KCNU1: variants seen among roughly 807,000 people sequenced by gnomAD.
The protein encoded by KCNU1 is potassium channel subfamily U member 1.
Under a neutral mutation model 126.8 loss-of-function variants are expected in KCNU1, and 93 were observed. The observed-to-expected ratio is 0.73, with a 90% CI of 0.62 to 0.87. KCNU1 has a LOEUF of 0.87. Among genes scored for constraint, KCNU1 ranks in the 40% least tolerant of loss-of-function variants. The pLI, the probability that KCNU1 is intolerant of heterozygous loss-of-function variation, is 0.00. For synonymous variants in KCNU1, 523 were observed against 494.2 expected, an observed-to-expected ratio of 1.06 and a Z score of -0.77; for missense variants, 1,330 against 1,367.1, an observed-to-expected ratio of 0.97 and a Z score of 0.43.
chr8:36,885,626 C>CTT (rs1448939510), intron 19 of KCNU1, among the ~76,000 whole-genome samples: 1 of 151,870 alleles, frequency 6.6e-6, no homozygotes, highest in Admixed American at 6.6e-5. Context: ...AACCACATCT[C>CTT]TACTAAAAAT....
At chr8:36,801,095 T>C (rs1427392566) in intron 2 of KCNU1, among the ~76,000 whole-genome samples, 2 of 152,218 alleles carry the variant, frequency 1.3e-5, no homozygotes, top group East Asian at 3.8e-4. Context: ...GGTGCCTTGA[T>C]GTCAACAAGG....
At chr8:36,899,761 G>A (rs1807343454) in intron 19 of KCNU1, among the ~76,000 whole-genome samples, 1 of 152,212 alleles carries the variant, frequency 6.6e-6, no homozygotes, top group East Asian at 1.9e-4. Context: ...ACACAGAGGT[G>A]TAGAAAGTTT....
intron 18 of KCNU1, among the ~76,000 whole-genome samples, chr8:36,852,971 T>C (rs1745159693): frequency 1.3e-5 from 2 of 152,214 alleles, no homozygotes; most frequent in African/African-American, 4.8e-5. Context: ...TTGGGTTAAC[T>C]TGCCTTCCTT....
chr8:36,916,739 C>G (rs754023730), intron 22 of KCNU1, among the ~76,000 whole-genome samples: 1 of 152,006 alleles, frequency 6.6e-6, no homozygotes, highest in Non-Finnish European at 1.5e-5. Context: ...ATTTCCTCAC[C>G]AAAAACTGAA....
intron 18 of KCNU1, among the ~76,000 whole-genome samples, chr8:36,861,127 A>G (rs543993613): frequency 6.6e-6 from 1 of 152,308 alleles, no homozygotes; most frequent in East Asian, 1.9e-4. Flanking sequence ...TAGGAGAAAG[A>G]ATAGGAGATG....
chr8:36,841,025 T>G (rs886632539), intron 16 of KCNU1, 22 bp downstream of exon 16: 1 of 1,186,384 alleles, frequency 8.4e-7, no homozygotes, highest in South Asian at 1.4e-5. Flanking sequence ...TCTGCTCATC[T>G]CTTCAGTTGT....
intron 24 of KCNU1, among the ~76,000 whole-genome samples, chr8:36,924,728 G>T (rs1808478010): frequency 6.6e-6 from 1 of 152,174 alleles, no homozygotes; most frequent in Admixed American, 6.5e-5. Flanking sequence ...TTAATGACTG[G>T]AGTGTCAGGC....
At chr8:36,797,130 T>C (rs747745153) in intron 2 of KCNU1, among the ~76,000 whole-genome samples, 2 of 152,128 alleles carry the variant, frequency 1.3e-5, no homozygotes, top group Admixed American at 6.6e-5. Context: ...CACTTCCTAG[T>C]ATGTAATCTT....
chr8:36,906,776 GA>G (rs1807647477), intron 20 of KCNU1, among the ~76,000 whole-genome samples: 1 of 152,106 alleles, frequency 6.6e-6, no homozygotes, highest in East Asian at 1.9e-4. Context: ...CATTTGATCA[GA>G]AACACGAAAC....
intron 14 of KCNU1, among the ~76,000 whole-genome samples, chr8:36,837,521 G>C (rs764402488): frequency 6.6e-6 from 1 of 152,128 alleles, no homozygotes; most frequent in Non-Finnish European, 1.5e-5. Flanking sequence ...GCAGTGAATT[G>C]GTGAAGCTAA....
rs558582768 is a variant in KCNU1 at position 36,803,500 on chromosome 8, T to G, written c.316-527T>G. On this transcript the variant is annotated intron_variant, in intron 2 of 26. Coordinates refer to ENST00000399881, the MANE Select transcript of KCNU1 (RefSeq NM_001031836.3). ...CACTGGCATGGTAAAAAAAATCACC[T>G]TCTTCTCACTTGTAGCATTTCCCCT... is the stretch of plus-strand genomic sequence containing the variant. Among the ~76,000 whole-genome samples, 4 of 152,244 alleles carry G rather than the reference T, an allele frequency of 2.6e-5. No homozygotes were observed. The East Asian group carries it at 7.7e-4, about 29-fold the overall frequency.
At chr8:36,830,637 C>T (rs959266893) in intron 10 of KCNU1, among the ~76,000 whole-genome samples, 1 of 151,892 alleles carries the variant, frequency 6.6e-6, no homozygotes, top group Admixed American at 6.6e-5. Context: ...AAACGCGAAA[C>T]CATGTAGAAC....
chr8:36,800,627 G>T (rs1390409506), intron 2 of KCNU1, among the ~76,000 whole-genome samples: 2 of 152,172 alleles, frequency 1.3e-5, no homozygotes, highest in Non-Finnish European at 2.9e-5. Flanking sequence ...CTCAGGTAAA[G>T]GGCTTTCTAC....
chr8:36,832,869 T>C (rs1214595793), intron 10 of KCNU1, among the ~76,000 whole-genome samples: 1 of 152,146 alleles, frequency 6.6e-6, no homozygotes, highest in Non-Finnish European at 1.5e-5. Context: ...ATTTTCAACA[T>C]ATTTCTAAGA....
At chr8:36,857,649 T>TTTG (rs527322703) in intron 18 of KCNU1, among the ~76,000 whole-genome samples, 5 of 152,112 alleles carry the variant, frequency 3.3e-5, no homozygotes, top group Admixed American at 3.3e-4. Context: ...TGTTTTTGTT[T>TTTG]TTGTTGTTGT....
At chr8:36,816,285 A>G (rs1803908236) in intron 9 of KCNU1, among the ~76,000 whole-genome samples, 1 of 151,862 alleles carries the variant, frequency 6.6e-6, no homozygotes, top group Non-Finnish European at 1.5e-5. Flanking sequence ...TTGTTTTTAT[A>G]TTATTTCTTC....
At chr8:36,816,327 T>G (rs529056561) in intron 9 of KCNU1, among the ~76,000 whole-genome samples, 3 of 151,418 alleles carry the variant, frequency 2.0e-5, no homozygotes, top group South Asian at 2.1e-4. Context: ...TTCCATTAGG[T>G]TTTTTTTTCC....
intron 19 of KCNU1, among the ~76,000 whole-genome samples, chr8:36,878,659 A>T (rs567843961): frequency 3.4e-4 from 52 of 152,172 alleles, no homozygotes; most frequent in African/African-American, 1.1e-3. Flanking sequence ...GCAGATATGG[A>T]CTTGGAAGAA....
At chr8:36,909,567 A>G (rs62490754) in intron 21 of KCNU1, 32 bp downstream of exon 21, 297,113 of 1,259,532 alleles carry the variant, frequency 0.24, 38,122 homozygotes, top group Admixed American at 0.39. Flanking sequence ...GTTAATATTT[A>G]TAAGGATTTC....
Sources: gnomAD v4.1 joint callset for allele counts (sites outside exome capture counted in the v4.1 genomes callset) on GRCh38, gnomAD v4.1.1 for gene constraint, MANE v1.5 for transcripts, NCBI Gene and HGNC (gene_info 2026-07-23, HGNC 2026-07-21) for gene names.